The following DPP6 variants were observed in gnomAD, a reference collection of about 807,000 sequenced individuals.
DPP6 encodes the protein A-type potassium channel modulatory protein DPP6.
Under a neutral mutation model 122.6 loss-of-function variants are expected in DPP6, and 69 were observed. The observed-to-expected ratio is 0.56, with a 90% confidence interval of 0.46 to 0.69. The LOEUF (loss-of-function observed/expected upper bound fraction) is 0.69. DPP6 is among the 30% of genes least tolerant of loss of function. DPP6 has a pLI of 0.00. For missense variants in DPP6, 928 were observed against 1,116.9 expected, an observed-to-expected ratio of 0.83 and a Z score of 2.41; for synonymous variants, 418 against 433.1, an observed-to-expected ratio of 0.97 and a Z score of 0.43.
At chr7:154,303,610 C>A (rs1175397838) in intron 1 of DPP6, among the ~76,000 whole-genome samples, 2 of 152,154 alleles carry the variant, frequency 1.3e-5, no homozygotes, top group East Asian at 3.9e-4. Context: ...CTGCTATACC[C>A]ACCCCTGGAC....
At chr7:154,153,667 T>G (rs1183408266) in intron 1 of DPP6, among the ~76,000 whole-genome samples, 1 of 152,188 alleles carries the variant, frequency 6.6e-6, no homozygotes, top group East Asian at 1.9e-4. Context: ...GTCAGCAAAA[T>G]TCTACATCAA....
At chr7:154,283,383 T>C (rs548070018) in intron 1 of DPP6, among the ~76,000 whole-genome samples, 6 of 152,298 alleles carry the variant, frequency 3.9e-5, no homozygotes, top group African/African-American at 1.4e-4. Flanking sequence ...ATTTTAAAAA[T>C]AGTTAATATG....
intron 1 of DPP6, among the ~76,000 whole-genome samples, chr7:154,349,218 C>T (rs144186652): frequency 0.015 from 2,276 of 152,328 alleles, 36 homozygotes; most frequent in Admixed American, 0.028. Flanking sequence ...CTCTGTCACC[C>T]AGGCTGGAGT....
intron 5 of DPP6, chr7:154,587,135 T>TTTA (rs199702255): frequency 0.011 from 1,635 of 155,192 alleles, 13 homozygotes; most frequent in Non-Finnish European, 0.015. Flanking sequence ...TCTTGTTGTA[T>TTTA]TTATCAAAGC....
At chr7:154,880,310 C>T (rs527275051) in intron 20 of DPP6, among the ~76,000 whole-genome samples, 15 of 152,332 alleles carry the variant, frequency 9.8e-5, no homozygotes, top group East Asian at 7.7e-4. Context: ...GAGCACCAAG[C>T]GGCTGCTGCC....
intron 1 of DPP6, among the ~76,000 whole-genome samples, chr7:154,335,303 TA>T (rs199736760): frequency 5.3e-5 from 8 of 152,250 alleles, no homozygotes; most frequent in African/African-American, 1.9e-4. Flanking sequence ...GAGTATTTCT[TA>T]AAAAACAAAA....
intron 1 of DPP6, among the ~76,000 whole-genome samples, chr7:154,272,522 G>A (rs192565911): frequency 1.3e-5 from 2 of 152,202 alleles, no homozygotes; most frequent in East Asian, 3.9e-4. Context: ...AAAGCACTTG[G>A]GCAAATTTTC....
At chr7:154,426,808 T>TAAAAAAAAAAAAAA (rs34741334) in intron 1 of DPP6, among the ~76,000 whole-genome samples, 2 of 109,676 alleles carry the variant, frequency 1.8e-5, no homozygotes, top group Non-Finnish European at 2.0e-5. Context: ...TACTCTGCCT[T>TAAAAAAAAAAAAAA]AAAAAAAAAA....
intron 1 of DPP6, among the ~76,000 whole-genome samples, chr7:153,988,962 G>C (rs1009698239): frequency 2.7e-5 from 4 of 150,394 alleles, no homozygotes; most frequent in African/African-American, 9.7e-5. Context: ...CATTACACGG[G>C]GATTTCTCCG....
intron 6 of DPP6, among the ~76,000 whole-genome samples, chr7:154,645,843 A>AC (rs1182274832): frequency 6.6e-6 from 1 of 152,000 alleles, no homozygotes; most frequent in Non-Finnish European, 1.5e-5. Flanking sequence ...CCTGGCTAAC[A>AC]CGGTGAAACC....
rs560731144 is a variant in DPP6 at position 154,378,632 on chromosome 7, C to A, written c.244-67582C>A. ...AAAACTCTCCTGTCTCATAAGGACA[C>A]TAATCTCATTCATGAAGCCTCTACC... On this transcript the variant is annotated intron_variant, in intron 1 of 25. Coordinates refer to ENST00000377770, the MANE Select transcript of DPP6 (RefSeq NM_130797.4). Among the ~76,000 whole-genome samples the A allele has an allele frequency of 2.0e-5, 3 of 152,266 alleles. No individual in the cohort carries two copies. The East Asian group carries it at 5.8e-4, about 29-fold the overall frequency.
chr7:153,798,536 G>C, the DPP6 span, among the ~76,000 whole-genome samples: 1 of 152,098 alleles, frequency 6.6e-6, no homozygotes, highest in African/African-American at 2.4e-5. Flanking sequence ...GGGATGTGGA[G>C]GACCCCTAAG....
intron 1 of DPP6, among the ~76,000 whole-genome samples, chr7:154,216,418 G>A (rs890636195): frequency 5.3e-5 from 8 of 152,180 alleles, no homozygotes; most frequent in Non-Finnish European, 1.2e-4. Flanking sequence ...ATAGGGATTT[G>A]GAAGATTGAG....
At chr7:153,963,545 A>G (rs1795470198) in intron 1 of DPP6, among the ~76,000 whole-genome samples, 1 of 150,754 alleles carries the variant, frequency 6.6e-6, no homozygotes. Context: ...TGGGCTGTGA[A>G]TCAATATGTG....
At chr7:154,516,713 CT>C (rs1435087580) in intron 3 of DPP6, among the ~76,000 whole-genome samples, 17 of 152,174 alleles carry the variant, frequency 1.1e-4, no homozygotes, top group Non-Finnish European at 4.4e-5. Flanking sequence ...TATTTATTTG[CT>C]TATGGTTCAA....
At position 154,313,715 on chromosome 7, in the gene DPP6, A is replaced by ATACG. The variant is rs1563460487; in HGVS notation, c.244-132499_244-132498insTACG. Among the ~76,000 whole-genome samples, 6 of 35,808 alleles carry ATACG rather than the reference A, an allele frequency of 1.7e-4. 2 individuals are homozygous for ATACG. In the East Asian group the frequency reaches 7.1e-3, roughly 42 times the overall value. The allele number at this position is 35,808 out of a possible 152,430, so 23.5% of individuals were successfully genotyped here. ...TATATATATATATATATATATATAT[A>ATACG]CACACACACGCACGCACACACACAC... is the stretch of plus-strand genomic sequence containing the variant. On this transcript the variant is annotated intron_variant, in intron 1 of 25. Transcript: ENST00000377770.
intron 25 of DPP6, among the ~76,000 whole-genome samples, chr7:154,891,563 T>C (rs1305865478): frequency 2.0e-5 from 3 of 152,090 alleles, no homozygotes; most frequent in Admixed American, 6.5e-5. Flanking sequence ...GGTGGGCCCG[T>C]GGGCACCCAG....
chr7:154,478,929 A>C (rs897911055), intron 3 of DPP6, among the ~76,000 whole-genome samples: 1 of 150,248 alleles, frequency 6.7e-6, no homozygotes, highest in Non-Finnish European at 1.5e-5. Context: ...TTCTCTACAG[A>C]GGAAGAGACT....
the DPP6 span, among the ~76,000 whole-genome samples, chr7:153,792,512 G>A: frequency 1.2e-4 from 19 of 152,044 alleles, no homozygotes; most frequent in Non-Finnish European, 2.1e-4. Flanking sequence ...GGCTTTTTTA[G>A]CAACAAATTC....
Sources: allele counts gnomAD v4.1 joint callset (sites outside exome capture counted in the v4.1 genomes callset), GRCh38; gene constraint gnomAD v4.1.1; transcripts MANE v1.5; gene names NCBI Gene and HGNC (gene_info 2026-07-23, HGNC 2026-07-21).